The following TMEM117 variants were observed in gnomAD, a reference collection of about 807,000 sequenced individuals.
TMEM117 encodes transmembrane protein 117.
In TMEM117, 27 loss-of-function variants were observed where a neutral mutation model predicts 52.4. That is an observed-to-expected ratio of 0.51 (90% CI 0.38 to 0.71). The LOEUF (loss-of-function observed/expected upper bound fraction) is 0.71, where lower values mean the gene tolerates loss of function less well. TMEM117 is among the 30% of genes least tolerant of loss of function. The pLI is 0.00. For missense variants in TMEM117, 556 were observed against 630.5 expected (o/e 0.88, Z 1.26); for synonymous variants, 215 against 206.3 (o/e 1.04, Z -0.36).
In TMEM117 at chr12:44,152,549, A is replaced by G. The variant is rs545463034; in HGVS notation, c.510+8925A>G. Among the ~76,000 whole-genome samples, 552 of 120,772 alleles carry G rather than the reference A, an allele frequency of 4.6e-3. 3 individuals carry two copies. Among genetic ancestry groups the G allele is most frequent in the African/African-American group, 0.018 (519 of 29,378 alleles). The allele number at this position is 120,772 out of a possible 152,430, so 79.2% of individuals were successfully genotyped here. A position where few individuals can be genotyped will look rare whatever the true frequency, so the allele number is the denominator to read the frequency against. On this transcript the variant is annotated intron_variant, in intron 4 of 7. Coordinates refer to ENST00000266534, the MANE Select transcript of TMEM117 (RefSeq NM_032256.3). Reference sequence around the variant, plus strand: ...ATATATTTATATCATATAAATTTTTATATATAATATTTATATCATATAAAT... The same window carrying G: ...ATATATTTATATCATATAAATTTTTGTATATAATATTTATATCATATAAAT...
intron 6 of TMEM117, among the ~76,000 whole-genome samples, chr12:44,333,317 T>A (rs1951297227): frequency 6.6e-6 from 1 of 152,044 alleles, no homozygotes; most frequent in Non-Finnish European, 1.5e-5. Flanking sequence ...AAACCGGAAC[T>A]GCCCTTTTGG....
intron 3 of TMEM117, among the ~76,000 whole-genome samples, chr12:43,996,581 T>A (rs1946034639): frequency 6.6e-6 from 1 of 151,884 alleles, no homozygotes; most frequent in Non-Finnish European, 1.5e-5. Flanking sequence ...AGGAGGAGCT[T>A]GCAGTGAGCT....
intron 3 of TMEM117, among the ~76,000 whole-genome samples, chr12:44,049,115 G>C (rs1254502386): frequency 1.3e-5 from 2 of 152,176 alleles, no homozygotes; most frequent in East Asian, 3.9e-4. Context: ...ACATGCACAC[G>C]TATGTTTACT....
At chr12:43,927,655 T>C (rs1310915393) in intron 2 of TMEM117, among the ~76,000 whole-genome samples, 1 of 152,010 alleles carries the variant, frequency 6.6e-6, no homozygotes, top group Admixed American at 6.5e-5. Context: ...TTTGTTATTA[T>C]GTAATGATTC....
chr12:43,865,701 AAAG>A (rs1239822016), intron 2 of TMEM117, among the ~76,000 whole-genome samples: 30 of 147,948 alleles, frequency 2.0e-4, no homozygotes, highest in African/African-American at 7.6e-4. Context: ...CGTCCCAAAA[AAAG>A]AAAAAAAGAA....
chr12:44,044,489 C>G (rs1455333569), intron 3 of TMEM117, among the ~76,000 whole-genome samples: 1 of 152,166 alleles, frequency 6.6e-6, no homozygotes, highest in Non-Finnish European at 1.5e-5. Context: ...ATTCCACCAT[C>G]AAATGGAAGT....
intron 2 of TMEM117, among the ~76,000 whole-genome samples, chr12:43,922,042 C>T (rs1944703442): frequency 6.6e-6 from 1 of 152,110 alleles, no homozygotes; most frequent in South Asian, 2.1e-4. Flanking sequence ...ATGTAAATTG[C>T]CCACCTTAGG....
At chr12:43,930,279 A>G (rs977128193) in intron 2 of TMEM117, among the ~76,000 whole-genome samples, 1 of 152,058 alleles carries the variant, frequency 6.6e-6, no homozygotes, top group African/African-American at 2.4e-5. Context: ...TACCTCACCT[A>G]CATAGTTTAG....
intron 5 of TMEM117, among the ~76,000 whole-genome samples, chr12:44,246,607 A>G (rs567129704): frequency 6.6e-6 from 1 of 152,280 alleles, no homozygotes; most frequent in Admixed American, 6.5e-5. Flanking sequence ...TTTTCTGAAA[A>G]CACACTTTTT....
chr12:43,818,156 G>A, the TMEM117 span, among the ~76,000 whole-genome samples: 25 of 152,130 alleles, frequency 1.6e-4, no homozygotes, highest in East Asian at 1.2e-3. Flanking sequence ...CTCCATGCAC[G>A]TTAAAACTTG....
At chr12:43,880,616 G>A (rs1943879553) in intron 2 of TMEM117, among the ~76,000 whole-genome samples, 1 of 152,140 alleles carries the variant, frequency 6.6e-6, no homozygotes, top group African/African-American at 2.4e-5. Flanking sequence ...GGGTGCAGGG[G>A]TCCCTAAAGA....
At chr12:44,096,352 G>A (rs1326824325) in intron 3 of TMEM117, among the ~76,000 whole-genome samples, 1 of 151,750 alleles carries the variant, frequency 6.6e-6, no homozygotes, top group African/African-American at 2.4e-5. Context: ...TCACAGAATT[G>A]GAAAAAACTA....
the TMEM117 span, among the ~76,000 whole-genome samples, chr12:43,814,804 G>GCACT: frequency 6.7e-6 from 1 of 149,458 alleles, no homozygotes; most frequent in Admixed American, 6.7e-5. Flanking sequence ...GAGTGGAATG[G>GCACT]CACTATCTTG....
intron 2 of TMEM117, among the ~76,000 whole-genome samples, chr12:43,921,812 T>C (rs1213744230): frequency 6.6e-6 from 1 of 152,146 alleles, no homozygotes; most frequent in Non-Finnish European, 1.5e-5. Flanking sequence ...AGTCACTCAA[T>C]GAATATTCAT....
At chr12:44,365,392 G>A (rs891477733) in intron 6 of TMEM117, among the ~76,000 whole-genome samples, 3 of 151,994 alleles carry the variant, frequency 2.0e-5, no homozygotes, top group Middle Eastern at 3.4e-3. Flanking sequence ...AGGGCATATC[G>A]GCATGATAGT....
intron 2 of TMEM117, among the ~76,000 whole-genome samples, chr12:43,924,787 A>G (rs11182334): frequency 0.012 from 1,772 of 152,332 alleles, 41 homozygotes; most frequent in East Asian, 0.069. Context: ...TGTAACAAAC[A>G]CATCCAAAAC....
chr12:43,869,805 T>C (rs966292154), intron 2 of TMEM117, among the ~76,000 whole-genome samples: 10 of 152,220 alleles, frequency 6.6e-5, no homozygotes, highest in Admixed American at 5.2e-4. Context: ...GATGTGCAGG[T>C]TGTTACATTG....
chr12:44,038,614 C>G lies in TMEM117; in HGVS notation c.410+94272C>G, dbSNP rs145779418. Among the ~76,000 whole-genome samples, 214 of 152,338 alleles carry G rather than the reference C, an allele frequency of 1.4e-3. 3 individuals are homozygous for G. In the East Asian group the frequency reaches 0.025, roughly 18 times the overall value. On this transcript the variant is annotated intron_variant, in intron 3 of 7. Coordinates refer to ENST00000266534, the MANE Select transcript of TMEM117 (RefSeq NM_032256.3). ...GTCTGAGTGGGTGGAATGAGCCCAG[C>G]AGGCTCGAGTAAAAACTTGGGCAAA...
intron 5 of TMEM117, among the ~76,000 whole-genome samples, chr12:44,294,483 A>C (rs575336494): frequency 1.8e-4 from 28 of 152,140 alleles, no homozygotes; most frequent in Non-Finnish European, 4.0e-4. Flanking sequence ...ACTAGTATGA[A>C]TTTCCATTTT....
Sources: allele counts gnomAD v4.1 joint callset (sites outside exome capture counted in the v4.1 genomes callset), GRCh38; gene constraint gnomAD v4.1.1; transcripts MANE v1.5; gene names NCBI Gene and HGNC (gene_info 2026-07-23, HGNC 2026-07-21).